GUCY1A2: variants seen among roughly 807,000 people sequenced by gnomAD.
GUCY1A2 encodes the protein guanylate cyclase soluble subunit alpha-2.
In GUCY1A2, 27 loss-of-function variants were observed where a neutral mutation model predicts 63.5. That is an observed-to-expected ratio of 0.43 (90% CI 0.31 to 0.59). GUCY1A2 has a LOEUF of 0.59. Ranked by LOEUF, GUCY1A2 falls within the 20% of genes least tolerant of loss-of-function variation. The probability of loss-of-function intolerance (pLI) is 0.11; values close to 1 mark genes in which losing one functional copy is unlikely to be tolerated. For synonymous variants in GUCY1A2, 364 were observed against 343.5 expected (o/e 1.06, Z -0.66); for missense variants, 768 against 913.3 (o/e 0.84, Z 2.05).
intron 4 of GUCY1A2, among the ~76,000 whole-genome samples, chr11:106,919,499 ATAATTT>A (rs1341891071): frequency 6.6e-6 from 1 of 152,178 alleles, no homozygotes; most frequent in Non-Finnish European, 1.5e-5. Context: ...TTAAATTTAT[ATAATTT>A]TATTCATCAA....
intron 6 of GUCY1A2, among the ~76,000 whole-genome samples, chr11:106,729,202 A>G (rs1333400937): frequency 1.3e-5 from 2 of 152,108 alleles, no homozygotes; most frequent in African/African-American, 4.8e-5. Context: ...AAACCTGGGA[A>G]GGAATTAGGT....
At chr11:106,820,370 A>T (rs1858885478) in intron 4 of GUCY1A2, among the ~76,000 whole-genome samples, 1 of 152,200 alleles carries the variant, frequency 6.6e-6, no homozygotes, top group South Asian at 2.1e-4. Flanking sequence ...ATTAGTGAGC[A>T]GCCAGTACTA....
chr11:106,860,896 A>G (rs1859502204), intron 4 of GUCY1A2, among the ~76,000 whole-genome samples: 1 of 152,020 alleles, frequency 6.6e-6, no homozygotes, highest in Admixed American at 6.6e-5. Context: ...CCCTCATTTC[A>G]GCTTGACTCC....
In GUCY1A2 at chr11:106,978,662, A is replaced by C. The variant is rs1861294090; in HGVS notation, c.444T>G (p.Ile148Met). The C allele has an allele frequency of 6.4e-7, 1 of 1,564,816 alleles. No individual in the cohort carries two copies. Among genetic ancestry groups the C allele is most frequent in the Non-Finnish European group, 8.8e-7 (1 of 1,135,556 alleles). The change falls in exon 3 of 8, where the codon ATT (isoleucine) becomes ATG (methionine). Residue 148 changes from isoleucine to methionine, a missense_variant. Coordinates refer to ENST00000526355, the MANE Select transcript of GUCY1A2 (RefSeq NM_000855.3). ...SYADHSNKEE[I>M]EDVSGILQCT... ...ACTGAAGAATTCCTGAGACATCTTCAATTTCTTCTTTGTTGGAGTGGTCTG... is the reference window on the plus strand; with the variant it reads ...ACTGAAGAATTCCTGAGACATCTTCCATTTCTTCTTTGTTGGAGTGGTCTG...
chr11:106,710,087 AAT>A (rs1191616762), intron 6 of GUCY1A2, among the ~76,000 whole-genome samples: 26 of 103,914 alleles, frequency 2.5e-4, no homozygotes, highest in Admixed American at 5.5e-4. Flanking sequence ...AGTTATATAT[AAT>A]ATATAGTTAT....
At chr11:106,708,999 C>T in intron 6 of GUCY1A2, among the ~76,000 whole-genome samples, 1 of 150,090 alleles carries the variant, frequency 6.7e-6, no homozygotes, top group East Asian at 2.0e-4. Flanking sequence ...ATATTTTTCT[C>T]CACTTTCTCC....
Position 106,996,206 on chromosome 11 carries a change from A to G in GUCY1A2, c.304-10075T>C, listed in dbSNP as rs1395598295. 3.3e-5 allele frequency among the ~76,000 whole-genome samples: 5 copies of G among 152,156 alleles called. No homozygotes were observed. In the East Asian group the frequency reaches 9.7e-4, roughly 29 times the overall value. ...TCTAAAGGTGACCAACAAAGGGAGG[A>G]TATGGAGGAAGTGGTAAAATTAGAG... On this transcript the variant is annotated intron_variant, in intron 1 of 7. Coordinates refer to ENST00000526355, the MANE Select transcript of GUCY1A2 (RefSeq NM_000855.3).
chr11:106,803,516 C>G (rs369987488), intron 5 of GUCY1A2, among the ~76,000 whole-genome samples: 3 of 152,132 alleles, frequency 2.0e-5, no homozygotes, highest in East Asian at 3.9e-4. Flanking sequence ...CATAAAAATG[C>G]CTGCAGATAT....
intron 4 of GUCY1A2, among the ~76,000 whole-genome samples, chr11:106,830,737 T>C (rs1055732070): frequency 6.6e-6 from 1 of 152,196 alleles, no homozygotes; most frequent in East Asian, 1.9e-4. Context: ...TTAATACTTC[T>C]TAATAAACTC....
intron 4 of GUCY1A2, among the ~76,000 whole-genome samples, chr11:106,831,319 C>T (rs1311569204): frequency 2.6e-5 from 4 of 152,138 alleles, no homozygotes; most frequent in Non-Finnish European, 5.9e-5. Flanking sequence ...GTAAAAAACT[C>T]CTTGACAAGA....
rs372948007 is a variant in GUCY1A2 at position 106,981,916 on chromosome 11, T to C, written c.366-3176A>G. ...ATAAACTGAAGACAATCCACAAAAGTTGAATTGCAAAAGAGTCATTTACTA... is the reference window on the plus strand; with the variant it reads ...ATAAACTGAAGACAATCCACAAAAGCTGAATTGCAAAAGAGTCATTTACTA... On this transcript the variant is annotated intron_variant, in intron 2 of 7. Transcript: ENST00000526355. 2.6e-5 allele frequency among the ~76,000 whole-genome samples: 4 copies of C among 152,142 alleles called. No homozygotes were observed. In the East Asian group the frequency reaches 7.7e-4, roughly 29 times the overall value.
In GUCY1A2 at chr11:106,978,681, TG is replaced by T; in HGVS notation, c.424del (p.His142ThrfsTer23). ...NISNRCSYADHSNKEEIEDVS... is the reference protein window; with the variant it reads ...NISNRCSYADXSNKEEIEDVS... ...ATCTTCAATTTCTTCTTTGTTGGAG[TG>T]GTCTGCATAGGAGCATCTGTTAGAG... is the stretch of plus-strand genomic sequence containing the variant. On this transcript the variant is annotated frameshift_variant, in exon 3 of 8. Transcript: ENST00000526355. LOFTEE classifies it high-confidence loss of function. 6.3e-7 allele frequency: 1 copy of T among 1,575,140 alleles called. No homozygotes were observed. Among genetic ancestry groups the T allele is most frequent in the Non-Finnish European group, 8.7e-7 (1 of 1,144,638 alleles).
chr11:107,011,538 T>C (rs923804148), intron 1 of GUCY1A2, among the ~76,000 whole-genome samples: 1 of 146,800 alleles, frequency 6.8e-6, no homozygotes, highest in Non-Finnish European at 1.5e-5. Context: ...TTTTAATATA[T>C]TAAATATATA....
intron 4 of GUCY1A2, among the ~76,000 whole-genome samples, chr11:106,813,636 T>C (rs1858793773): frequency 6.6e-6 from 1 of 152,166 alleles, no homozygotes; most frequent in Non-Finnish European, 1.5e-5. Flanking sequence ...TGTTACATAA[T>C]AGTTTGAAAA....
At chr11:106,891,353 T>C (rs1251596740) in intron 4 of GUCY1A2, among the ~76,000 whole-genome samples, 2 of 152,172 alleles carry the variant, frequency 1.3e-5, no homozygotes, top group Non-Finnish European at 1.5e-5. Context: ...ACAAGTCTAT[T>C]GTCAGGAATA....
In GUCY1A2 at chr11:106,934,658, T is replaced by C. The variant is rs555160889; in HGVS notation, c.1206+4802A>G. Among the ~76,000 whole-genome samples, 17 of 152,252 alleles carry C rather than the reference T, an allele frequency of 1.1e-4. No individual in the cohort carries two copies. In the East Asian group the frequency reaches 3.1e-3, roughly 28 times the overall value. ...TGTAGCTTCTAATTAATAAGACAAA[T>C]GAGAGCATATTTCTGGGAATTAAAA... On this transcript the variant is annotated intron_variant, in intron 4 of 7. Transcript: ENST00000526355.
intron 6 of GUCY1A2, among the ~76,000 whole-genome samples, chr11:106,774,665 TATTAC>T (rs1212735167): frequency 1.3e-5 from 2 of 152,228 alleles, no homozygotes; most frequent in African/African-American, 4.8e-5. Context: ...ATTGAATATA[TATTAC>T]ATCTTTCCAC....
At position 106,674,257 on chromosome 11, in the gene GUCY1A2, A is replaced by T. The variant is rs1862309152; in HGVS notation, c.*13292T>A. ...GCAAAGACATTTTACATCATGAAACATGCTATTTACATTGTGAATGATTTC... is the reference window on the plus strand; with the variant it reads ...GCAAAGACATTTTACATCATGAAACTTGCTATTTACATTGTGAATGATTTC... On this transcript the variant is annotated 3_prime_UTR_variant, in exon 8 of 8. Coordinates refer to ENST00000526355, the MANE Select transcript of GUCY1A2 (RefSeq NM_000855.3). 5.4e-6 allele frequency: 1 copy of T among 184,586 alleles called. No individual in the cohort carries two copies. Among genetic ancestry groups the T allele is most frequent in the Admixed American group, 6.2e-5 (1 of 16,064 alleles). 11.4% of individuals were successfully genotyped at this position (184,586 alleles called of 1,614,324 possible).
intron 4 of GUCY1A2, among the ~76,000 whole-genome samples, chr11:106,847,268 G>A (rs541220861): frequency 6.9e-6 from 1 of 145,606 alleles, no homozygotes; most frequent in Non-Finnish European, 1.5e-5. Context: ...AAAAAATTGT[G>A]GTTTTTATAA....
Sources: gnomAD v4.1 joint callset for allele counts (sites outside exome capture counted in the v4.1 genomes callset) on GRCh38, gnomAD v4.1.1 for gene constraint, MANE v1.5 for transcripts, NCBI Gene and HGNC (gene_info 2026-07-23, HGNC 2026-07-21) for gene names.